The following CDH12 variants were observed in gnomAD, a reference collection of about 807,000 sequenced individuals.
CDH12 encodes the protein cadherin-12.
In CDH12, 41 loss-of-function variants were observed where a neutral mutation model predicts 74.1. The observed-to-expected ratio is 0.55, with a 90% CI of 0.43 to 0.72. The LOEUF (loss-of-function observed/expected upper bound fraction) is 0.72. CDH12 is among the 30% of genes least tolerant of loss of function. The probability of loss-of-function intolerance (pLI) is 0.00; values close to 1 mark genes in which losing one functional copy is unlikely to be tolerated. For synonymous variants in CDH12, 399 were observed against 355.0 expected (o/e 1.12, Z -1.39); for missense variants, 945 against 977.2 (o/e 0.97, Z 0.44).
intron 1 of CDH12, among the ~76,000 whole-genome samples, chr5:22,563,287 T>TA (rs1260474574): frequency 6.6e-6 from 1 of 152,094 alleles, no homozygotes; most frequent in East Asian, 1.9e-4. Context: ...TGAGGTGAGA[T>TA]AAAATCTCAT....
intron 1 of CDH12, among the ~76,000 whole-genome samples, chr5:22,852,787 G>A (rs1214764313): frequency 6.6e-6 from 1 of 152,168 alleles, no homozygotes; most frequent in Non-Finnish European, 1.5e-5. Flanking sequence ...GCCATGCTAA[G>A]ATGCATTTGA....
chr5:22,838,512 T>C (rs1736930948), intron 1 of CDH12, among the ~76,000 whole-genome samples: 1 of 152,170 alleles, frequency 6.6e-6, no homozygotes, highest in African/African-American at 2.4e-5. Context: ...TCCATGACTG[T>C]AGCATAACTA....
At chr5:22,770,699 T>G (rs951111668) in intron 1 of CDH12, among the ~76,000 whole-genome samples, 1 of 152,126 alleles carries the variant, frequency 6.6e-6, no homozygotes, top group African/African-American at 2.4e-5. Flanking sequence ...TCCATTGTAT[T>G]TTGTAGTGTT....
intron 3 of CDH12, among the ~76,000 whole-genome samples, chr5:22,230,685 G>T (rs1474810976): frequency 2.0e-5 from 3 of 151,800 alleles, no homozygotes; most frequent in African/African-American, 7.3e-5. Flanking sequence ...TGGCCAGAAT[G>T]GTGTCGACCT....
intron 4 of CDH12, chr5:22,139,135 T>A (rs1360728978): frequency 2.0e-5 from 3 of 149,008 alleles, no homozygotes; most frequent in Non-Finnish European, 4.5e-5. Flanking sequence ...ACACTGTGAT[T>A]TATTAAATCA....
intron 3 of CDH12, among the ~76,000 whole-genome samples, chr5:22,253,349 A>C (rs1753198324): frequency 6.6e-6 from 1 of 151,938 alleles, no homozygotes; most frequent in African/African-American, 2.4e-5. Flanking sequence ...ACTGTTAATA[A>C]ATAAGTAAAA....
At chr5:22,258,994 C>A (rs1561262027) in intron 3 of CDH12, among the ~76,000 whole-genome samples, 1 of 152,118 alleles carries the variant, frequency 6.6e-6, no homozygotes, top group Non-Finnish European at 1.5e-5. Flanking sequence ...CAGATCTAGT[C>A]AGTGCCATTG....
At chr5:22,517,445 C>T (rs1280733670) in intron 1 of CDH12, among the ~76,000 whole-genome samples, 1 of 152,014 alleles carries the variant, frequency 6.6e-6, no homozygotes, top group Non-Finnish European at 1.5e-5. Context: ...TATTGAAGTT[C>T]AAAGGGAATT....
At chr5:22,312,411 C>A (rs567886543) in intron 3 of CDH12, among the ~76,000 whole-genome samples, 1 of 151,960 alleles carries the variant, frequency 6.6e-6, no homozygotes, top group Non-Finnish European at 1.5e-5. Flanking sequence ...AGTAAATATA[C>A]CCTTTTGGCT....
intron 1 of CDH12, among the ~76,000 whole-genome samples, chr5:22,783,893 C>G (rs945658966): frequency 6.6e-6 from 1 of 151,980 alleles, no homozygotes; most frequent in Admixed American, 6.6e-5. Flanking sequence ...TATAGCGATT[C>G]TCCTCCCTGC....
At chr5:22,177,303 G>T (rs1042503481) in intron 4 of CDH12, among the ~76,000 whole-genome samples, 2 of 151,982 alleles carry the variant, frequency 1.3e-5, no homozygotes, top group South Asian at 4.1e-4. Context: ...CTCATTAGTT[G>T]TATTTATCTT....
rs776388055 is a variant in CDH12 at position 21,802,193 on chromosome 5, G to A, written c.1230C>T (p.Asp410=). ...TAACAGCACTGCTGCCTACATCCAG[G>A]TCTTGAGCAGTGACAGCGCCAATGA... The part of the protein sequence containing the change: ...GTIIGAVTAQ[D]LDVGSSAVRY... Residue 410 remains aspartate (D), a synonymous_variant, in exon 10 of 15, where the codon GAC becomes GAT. Coordinates refer to ENST00000382254, the MANE Select transcript of CDH12 (RefSeq NM_004061.5). 1 of 1,613,820 alleles carries A rather than the reference G, an allele frequency of 6.2e-7. No homozygotes were observed. Among genetic ancestry groups the A allele is most frequent in the South Asian group, 1.1e-5 (1 of 91,076 alleles).
At chr5:22,447,804 T>A (rs1447361353) in intron 2 of CDH12, among the ~76,000 whole-genome samples, 2 of 151,646 alleles carry the variant, frequency 1.3e-5, no homozygotes, top group Non-Finnish European at 2.9e-5. Context: ...GGAAAACAAG[T>A]TTAGTGCAGT....
In CDH12 at chr5:22,416,922, A is replaced by G. The variant is rs966923087; in HGVS notation, c.-427-11571T>C. ...AGCTACAAATTTAAGATATTTTTTA[A>G]TGAAAATGATCCTTTCAAAGATTAT... On this transcript the variant is annotated intron_variant, in intron 2 of 14. Coordinates refer to ENST00000382254, the MANE Select transcript of CDH12 (RefSeq NM_004061.5). Among the ~76,000 whole-genome samples the G allele has an allele frequency of 2.6e-5, 4 of 152,314 alleles. 1 individual carries two copies. The highest frequency in any genetic ancestry group is 1.3e-4 in the Admixed American group (2 of 15,298).
At chr5:22,241,497 A>AT (rs1561248413) in intron 3 of CDH12, among the ~76,000 whole-genome samples, 1 of 151,996 alleles carries the variant, frequency 6.6e-6, no homozygotes, top group Non-Finnish European at 1.5e-5. Context: ...TATTTCTCAG[A>AT]TTTTTTATAG....
At chr5:21,755,193 T>C (rs1744315348) in intron 14 of CDH12, among the ~76,000 whole-genome samples, 1 of 152,310 alleles carries the variant, frequency 6.6e-6, no homozygotes, top group African/African-American at 2.4e-5. Context: ...TTTTAAAAGA[T>C]GACATAATCT....
intron 2 of CDH12, among the ~76,000 whole-genome samples, chr5:22,484,398 A>T (rs144215077): frequency 3.3e-5 from 5 of 152,304 alleles, no homozygotes; most frequent in African/African-American, 1.2e-4. Flanking sequence ...ACAGCTTTAG[A>T]CATACTTGGA....
intron 6 of CDH12, among the ~76,000 whole-genome samples, chr5:21,940,345 TG>T (rs1347976421): frequency 6.6e-6 from 1 of 152,200 alleles, no homozygotes; most frequent in Non-Finnish European, 1.5e-5. Flanking sequence ...GGAGGGTGGG[TG>T]AGTCTACTTT....
At chr5:22,381,830 A>T (rs1741770563) in intron 3 of CDH12, among the ~76,000 whole-genome samples, 1 of 151,550 alleles carries the variant, frequency 6.6e-6, no homozygotes, top group Admixed American at 6.6e-5. Context: ...TTCGGGAAAA[A>T]AAAACGAAAC....
Sources: allele counts gnomAD v4.1 joint callset (sites outside exome capture counted in the v4.1 genomes callset), GRCh38; gene constraint gnomAD v4.1.1; transcripts MANE v1.5; gene names NCBI Gene and HGNC (gene_info 2026-07-23, HGNC 2026-07-21).